Variants in UBR3 observed in about 807,000 individuals in gnomAD.
UBR3 encodes ubiquitin protein ligase E3 component n-recognin 3.
In UBR3, 85 loss-of-function variants were observed where a neutral mutation model predicts 243.2. That is an observed-to-expected ratio of 0.35 (90% confidence interval 0.29 to 0.42). The LOEUF (loss-of-function observed/expected upper bound fraction) is 0.42, where lower values mean the gene tolerates loss of function less well. Ranked by LOEUF, UBR3 falls within the 10% of genes least tolerant of loss-of-function variation. The pLI is 1.00. For synonymous variants in UBR3, 748 were observed against 799.8 expected, an observed-to-expected ratio of 0.94 and a Z score of 1.09; for missense variants, 1,686 against 2,300.8, an observed-to-expected ratio of 0.73 and a Z score of 5.47.
chr2:169,905,176 T>C lies in UBR3; in HGVS notation c.1528T>C (p.Tyr510His), dbSNP rs1237746319. Residue 510 changes from tyrosine to histidine, a missense_variant, in exon 9 of 39, where the codon TAC becomes CAC. Coordinates refer to ENST00000272793, the MANE Select transcript of UBR3 (RefSeq NM_172070.4). ...AGAAGCATTACTGAAGAATAACACT[T>C]ACTGGCCTCTTGTTAGTGATTTTAT... ...CGEALLKNNT[Y>H]WPLVSDFINI... The C allele has an allele frequency of 1.3e-6, 2 of 1,545,762 alleles. No individual in the cohort carries two copies. Among genetic ancestry groups the C allele is most frequent in the Non-Finnish European group, 1.7e-6 (2 of 1,144,384 alleles).
intron 1 of UBR3, among the ~76,000 whole-genome samples, chr2:169,870,346 T>G (rs1166184922): frequency 6.6e-6 from 1 of 152,112 alleles, no homozygotes; most frequent in African/African-American, 2.4e-5. Flanking sequence ...CTAGGCTGGT[T>G]TTGAACTCCT....
At chr2:169,903,672 A>C (rs2084911428) in intron 8 of UBR3, among the ~76,000 whole-genome samples, 1 of 152,182 alleles carries the variant, frequency 6.6e-6, no homozygotes, top group Admixed American at 6.5e-5. Flanking sequence ...CTCCTGACTG[A>C]TGAGTATGAC....
intron 1 of UBR3, among the ~76,000 whole-genome samples, chr2:169,842,704 C>T (rs1005433279): frequency 3.3e-5 from 5 of 152,110 alleles, no homozygotes; most frequent in Admixed American, 6.5e-5. Flanking sequence ...AGCGAGACCA[C>T]GAACCCACCA....
chr2:169,994,370 A>G lies in UBR3; in HGVS notation c.3832A>G (p.Ser1278Gly), dbSNP rs2089405524. Residue 1278 changes from serine to glycine, a missense_variant, in exon 26 of 39, where the codon AGT becomes GGT. Physicochemically the swap from Ser to Gly is moderately conservative, Grantham distance 56. Around this residue, in one of 8 missense-constraint regions of UBR3, gnomAD observed 156 missense variants for 246.3 expected, o/e 0.63. Transcript: ENST00000272793. Reference sequence around the variant, plus strand: ...TGTTGAGCCAAAAAAGTTGCCGATCAGTGAAGAGGAGCAGATTTACCCTTG... The same window carrying G: ...TGTTGAGCCAAAAAAGTTGCCGATCGGTGAAGAGGAGCAGATTTACCCTTG... ...DNVEPKKLPI[S>G]EEEQIYPWDT... The G allele has an allele frequency of 1.2e-6, 2 of 1,614,036 alleles. No homozygotes were observed. The highest frequency in any genetic ancestry group is 1.7e-6 in the Non-Finnish European group (2 of 1,180,026).
intron 35 of UBR3, among the ~76,000 whole-genome samples, chr2:170,065,876 C>A (rs2105450522): frequency 6.6e-6 from 1 of 151,568 alleles, no homozygotes; most frequent in Non-Finnish European, 1.5e-5. Context: ...TCTCTGTTGT[C>A]TTAGTGCACA....
At chr2:170,014,342 CTG>C (rs2090171586) in intron 29 of UBR3, 1 of 147,168 alleles carries the variant, frequency 6.8e-6, no homozygotes, top group Non-Finnish European at 1.5e-5. Context: ...AAGCTTGAAA[CTG>C]TTTTTTTTTC....
At chr2:169,847,643 GTTTC>G (rs1329583988) in intron 1 of UBR3, among the ~76,000 whole-genome samples, 3 of 152,014 alleles carry the variant, frequency 2.0e-5, no homozygotes, top group Non-Finnish European at 4.4e-5. Flanking sequence ...AGTGCTCTTT[GTTTC>G]TTTATGTAAG....
At chr2:169,947,845 T>C (rs1239698854) in intron 22 of UBR3, 130 bp downstream of exon 22, 2 of 1,241,134 alleles carry the variant, frequency 1.6e-6, no homozygotes, top group African/African-American at 3.1e-5. Flanking sequence ...TTGTCTTTTA[T>C]TTCCTCTGAT....
intron 1 of UBR3, among the ~76,000 whole-genome samples, chr2:169,841,704 TC>T (rs904040962): frequency 4.6e-5 from 7 of 152,050 alleles, no homozygotes; most frequent in African/African-American, 1.7e-4. Context: ...GTGTACTGAG[TC>T]CCCCAGCAGT....
intron 11 of UBR3, among the ~76,000 whole-genome samples, chr2:169,922,888 T>C (rs938870062): frequency 2.0e-5 from 3 of 152,168 alleles, no homozygotes; most frequent in Non-Finnish European, 4.4e-5. Flanking sequence ...AAAATAATTA[T>C]TTCAGGGATG....
intron 27 of UBR3, among the ~76,000 whole-genome samples, chr2:170,005,329 T>G (rs1016328962): frequency 1.3e-5 from 2 of 152,044 alleles, no homozygotes; most frequent in African/African-American, 4.8e-5. Flanking sequence ...AGGACAAAGT[T>G]GAGGTTGGAA....
Position 169,869,053 on chromosome 2 carries a change from G to A in UBR3, c.546-3183G>A, listed in dbSNP as rs116235660. The stretch of plus-strand genomic sequence containing the variant: ...TATTTAACGTGTTCATTTATCTCCC[G>A]TACGTCTTGTAAATGGAAGTTAGCT... On this transcript the variant is annotated intron_variant, in intron 1 of 38. Transcript: ENST00000272793. Among the ~76,000 whole-genome samples, 1,335 of 151,776 alleles carry A rather than the reference G, an allele frequency of 8.8e-3. 26 individuals carry two copies. The highest frequency in any genetic ancestry group is 0.03 in the African/African-American group (1,245 of 41,354).
chr2:169,947,612 G>T lies in UBR3; in HGVS notation c.2981G>T (p.Arg994Leu). Residue 994 changes from arginine (R) to leucine (L), a missense_variant, in exon 22 of 39, where the codon CGA (arginine) becomes CTA (leucine). Around this residue, in one of 8 missense-constraint regions of UBR3, gnomAD observed 300 missense variants for 314.4 expected, o/e 0.95. Transcript: ENST00000272793. ...GGCAGTAACTTAGTGTCAAACATGC[G>T]ACACTTTATAAACTATGTTAGAGTA... ...FPGSNLVSNM[R>L]HFINYVRVRV... is the part of the protein sequence containing the mutation. The T allele has an allele frequency of 6.5e-7, 1 of 1,535,598 alleles. No homozygotes were observed. The highest frequency in any genetic ancestry group is 1.2e-5 in the South Asian group (1 of 81,046).
At chr2:169,973,946 G>C (rs534158829) in intron 24 of UBR3, among the ~76,000 whole-genome samples, 4 of 152,302 alleles carry the variant, frequency 2.6e-5, no homozygotes, top group African/African-American at 7.2e-5. Flanking sequence ...CATCTTTTGA[G>C]ATGATTGTAT....
At chr2:170,058,746 C>T (rs139516013) in intron 33 of UBR3, among the ~76,000 whole-genome samples, 21 of 151,996 alleles carry the variant, frequency 1.4e-4, no homozygotes, top group African/African-American at 4.8e-4. Flanking sequence ...GAACTCCAGG[C>T]CTCAAGCAAT....
In UBR3 at chr2:170,072,954, C is replaced by A. The variant is rs113024981; in HGVS notation, c.5020-474C>A. On this transcript the variant is annotated intron_variant, in intron 35 of 38. Transcript: ENST00000272793. ...TTACCTGGCTCCTAACAATTCCACC[C>A]CCCTTTTTAAAACTGATTTTGTTTC... is the stretch of plus-strand genomic sequence containing the variant. Among the ~76,000 whole-genome samples the A allele has an allele frequency of 8.1e-3, 1,238 of 152,182 alleles. 13 individuals are homozygous for A. The highest frequency in any genetic ancestry group is 0.054 in the Middle Eastern group (16 of 294).
Position 169,878,489 on chromosome 2 carries a change from A to C in UBR3, c.989-36A>C, listed in dbSNP as rs1202397557. ...TTTGAAAATAAAGCAATATGTAGCA[A>C]CTATGAAGGACAACTATTTTTCTTC... On this transcript the variant is annotated intron_variant, in intron 4 of 38. Coordinates refer to ENST00000272793, the MANE Select transcript of UBR3 (RefSeq NM_172070.4). 4 of 1,535,168 alleles carry C rather than the reference A, an allele frequency of 2.6e-6. No homozygotes were observed. The Admixed American group carries it at 8.0e-5, about 31-fold the overall frequency.
intron 1 of UBR3, among the ~76,000 whole-genome samples, chr2:169,871,727 G>A (rs1447682619): frequency 5.8e-5 from 5 of 86,034 alleles, no homozygotes; most frequent in Admixed American, 3.0e-4. Flanking sequence ...CAGCCTGGAC[G>A]TCAGACCAAG....
intron 29 of UBR3, chr2:170,013,738 C>G (rs1038249942): frequency 5.3e-6 from 1 of 187,744 alleles, no homozygotes; most frequent in Non-Finnish European, 1.2e-5. Context: ...TTTTGACATT[C>G]ATTTGTAAGT....
Sources: allele counts gnomAD v4.1 joint callset (sites outside exome capture counted in the v4.1 genomes callset), GRCh38; gene constraint gnomAD v4.1.1; regional missense constraint gnomAD v4.1.1; transcripts MANE v1.5; gene names NCBI Gene and HGNC (gene_info 2026-07-23, HGNC 2026-07-21).